Variants in TSC22D1 observed in about 807,000 individuals in gnomAD.
TSC22D1 encodes TSC22 domain family member 1.
TSC22D1 carries 9 observed loss-of-function variants against 74.2 expected under a neutral mutation model. The ratio of observed to expected loss-of-function variants is 0.12; its 90% CI spans 0.07 to 0.21. TSC22D1 has a LOEUF of 0.21. Ranked by LOEUF, TSC22D1 falls within the 10% of genes least tolerant of loss-of-function variation. The pLI is 1.00. For missense variants in TSC22D1, 1,427 were observed against 1,304.7 expected (o/e 1.09, Z -1.44); for synonymous variants, 586 against 492.5 (o/e 1.19, Z -2.51).
intron 1 of TSC22D1, among the ~76,000 whole-genome samples, chr13:44,451,693 T>C (rs1159167223): frequency 6.6e-6 from 1 of 152,192 alleles, no homozygotes; most frequent in Non-Finnish European, 1.5e-5. Context: ...TTTAAGCAAA[T>C]GGCTCTGGAG....
rs377521420 is a variant in TSC22D1 at position 44,576,005 on chromosome 13, G to A, written c.70C>T (p.His24Tyr). 7.7e-5 allele frequency: 123 copies of A among 1,591,188 alleles called. No homozygotes were observed. The highest frequency in any genetic ancestry group is 1.0e-4 in the Non-Finnish European group (117 of 1,168,990). ...CCCCTTCGAGGGAACATTGCCGGGTGCGCCATCTTCCTAGCGCTAATGTCT... is the reference window on the plus strand; with the variant it reads ...CCCCTTCGAGGGAACATTGCCGGGTACGCCATCTTCCTAGCGCTAATGTCT... ...AADISARKMA[H>Y]PAMFPRRGSG... Residue 24 changes from histidine to tyrosine, a missense_variant, in exon 1 of 3, where the codon CAC becomes TAC. Coordinates refer to ENST00000458659, the MANE Select transcript of TSC22D1 (RefSeq NM_183422.4).
chr13:44,436,776 T>C (rs1274359702), intron 1 of TSC22D1: 13 of 1,464,076 alleles, frequency 8.9e-6, no homozygotes, highest in Non-Finnish European at 1.1e-5. Flanking sequence ...TTCTAGGGCT[T>C]GATGATCCCA....
rs573723180 is a variant in TSC22D1, at chr13:44,576,139, T to C, written c.-65A>G. The stretch of plus-strand genomic sequence containing the variant: ...TTCCTTCTGCACCGTAATCTTTGTA[T>C]TGGAGACGCCGGAGAGGAAAACGGG... On this transcript the variant is annotated 5_prime_UTR_variant, in exon 1 of 3. Transcript: ENST00000458659. The C allele has an allele frequency of 6.3e-6, 9 of 1,421,156 alleles. No individual in the cohort carries two copies. Among genetic ancestry groups the C allele is most frequent in the African/African-American group, 2.9e-5 (2 of 69,266 alleles). The allele number at this position is 1,421,156 out of a possible 1,614,324, so 88.0% of individuals were successfully genotyped here.
rs1226733397 is a variant in TSC22D1 at position 44,574,753 on chromosome 13, C to T, written c.1322G>A (p.Gly441Asp). 6.2e-7 allele frequency: 1 copy of T among 1,613,990 alleles called. No homozygotes were observed. The highest frequency in any genetic ancestry group is 1.7e-5 in the Admixed American group (1 of 60,000). The stretch of plus-strand genomic sequence containing the variant: ...CTCCACCACTTTATTTATCAGCACA[C>T]CTTCTGTAGCAGGTACAGCATTTTC... Reference protein sequence around the residue: ...EKENAVPATEGVLINKVVETV... With the variant: ...EKENAVPATEDVLINKVVETV... Residue 441 changes from glycine to aspartate, a missense_variant, in exon 1 of 3, where the codon GGT becomes GAT. Physicochemically the swap from Gly to Asp is moderately conservative, Grantham distance 94. This residue lies in a region of TSC22D1 where 1,343 missense variants were observed against 1,191.5 expected (regional missense o/e 1.13). Coordinates refer to ENST00000458659, the MANE Select transcript of TSC22D1 (RefSeq NM_183422.4).
At chr13:44,537,551 A>T in intron 1 of TSC22D1, 1 of 985,136 alleles carries the variant, frequency 1.0e-6, no homozygotes, top group Non-Finnish European at 1.2e-6. Flanking sequence ...TTTCCAAGCA[A>T]ATATCATTTT....
intron 1 of TSC22D1, among the ~76,000 whole-genome samples, chr13:44,508,528 C>T (rs530038667): frequency 6.6e-6 from 1 of 152,270 alleles, no homozygotes; most frequent in South Asian, 2.1e-4. Context: ...TGTCCCAACA[C>T]ACCTCCCAGC....
intron 1 of TSC22D1, among the ~76,000 whole-genome samples, chr13:44,475,672 A>G (rs1476871395): frequency 6.6e-6 from 1 of 152,164 alleles, no homozygotes; most frequent in African/African-American, 2.4e-5. Flanking sequence ...ATATGTAACC[A>G]TAATTTAAGA....
At position 44,433,947 on chromosome 13, in the gene TSC22D1, T is replaced by C. The variant is rs762341014; in HGVS notation, c.*679A>G. The C allele has an allele frequency of 1.6e-4, 241 of 1,521,974 alleles. No individual in the cohort carries two copies. Among genetic ancestry groups the C allele is most frequent in the Non-Finnish European group, 2.0e-4 (227 of 1,140,170 alleles). 94.3% of individuals were successfully genotyped at this position (1,521,974 alleles called of 1,614,324 possible). On this transcript the variant is annotated 3_prime_UTR_variant, in exon 3 of 3. Transcript: ENST00000458659. ...CCTAAATAGTAGTTACAGTCCTCTA[T>C]TGTACAAAATAGTTACACTACATAC...
intron 1 of TSC22D1, among the ~76,000 whole-genome samples, chr13:44,438,815 T>C (rs1158455690): frequency 6.6e-6 from 1 of 152,188 alleles, no homozygotes; most frequent in Non-Finnish European, 1.5e-5. Context: ...TATTATTTAC[T>C]ACATGATAGT....
chr13:44,526,970 A>G (rs1398982313), intron 1 of TSC22D1, among the ~76,000 whole-genome samples: 6 of 152,202 alleles, frequency 3.9e-5, no homozygotes, highest in Non-Finnish European at 7.4e-5. Context: ...AACCTTACCT[A>G]TTGAGGAACA....
intron 1 of TSC22D1, among the ~76,000 whole-genome samples, chr13:44,455,997 C>G (rs1481273373): frequency 6.6e-6 from 1 of 152,188 alleles, no homozygotes; most frequent in Non-Finnish European, 1.5e-5. Flanking sequence ...TCAAAAAGTA[C>G]AAGGTGCAGA....
At chr13:44,480,939 G>T (rs547145102) in intron 1 of TSC22D1, among the ~76,000 whole-genome samples, 3 of 152,148 alleles carry the variant, frequency 2.0e-5, no homozygotes, top group African/African-American at 7.2e-5. Context: ...GGCTGAATTG[G>T]GTTCCACAGA....
chr13:44,571,070 C>G (rs1190523624), intron 1 of TSC22D1, among the ~76,000 whole-genome samples: 2 of 152,112 alleles, frequency 1.3e-5, no homozygotes, highest in Admixed American at 1.3e-4. Context: ...TTTTTAATCA[C>G]GAAACTTTGA....
chr13:44,525,994 C>T (rs984473567), intron 1 of TSC22D1, among the ~76,000 whole-genome samples: 1 of 152,034 alleles, frequency 6.6e-6, no homozygotes, highest in African/African-American at 2.4e-5. Context: ...CCCAGCTCCT[C>T]ACGAGGCTGA....
chr13:44,518,327 CAA>C (rs1880151416), intron 1 of TSC22D1, among the ~76,000 whole-genome samples: 1 of 151,862 alleles, frequency 6.6e-6, no homozygotes, highest in Admixed American at 6.6e-5. Flanking sequence ...TGTCATCCCT[CAA>C]AAAAGGGAAA....
intron 1 of TSC22D1, chr13:44,538,083 A>T (rs1881256239): frequency 1.0e-6 from 1 of 985,186 alleles, no homozygotes; most frequent in African/African-American, 1.7e-5. Context: ...ATTTTGCAAC[A>T]CTTATTCCTT....
Position 44,576,079 on chromosome 13 carries a change from T to C in TSC22D1, c.-5A>G, listed in dbSNP as rs778561500. 1.4e-5 allele frequency: 22 copies of C among 1,540,340 alleles called. No homozygotes were observed. The South Asian group carries it at 2.5e-4, about 18-fold the overall frequency. On this transcript the variant is annotated 5_prime_UTR_variant, in exon 1 of 3. Transcript: ENST00000458659. ...GGACTCAGGCGGCTGGTGCATTGTGTTGGGTACCGGGGGCGCGGAGGAGAC... is the reference window on the plus strand; with the variant it reads ...GGACTCAGGCGGCTGGTGCATTGTGCTGGGTACCGGGGGCGCGGAGGAGAC...
chr13:44,540,534 G>C (rs1427714751), intron 1 of TSC22D1, among the ~76,000 whole-genome samples: 1 of 152,102 alleles, frequency 6.6e-6, no homozygotes, highest in Admixed American at 6.6e-5. Flanking sequence ...TATTCTTCAA[G>C]CACTCAGCTT....
intron 1 of TSC22D1, among the ~76,000 whole-genome samples, chr13:44,464,906 T>C (rs1877184815): frequency 6.6e-6 from 1 of 152,174 alleles, no homozygotes; most frequent in Non-Finnish European, 1.5e-5. Flanking sequence ...TCTGCTCTAA[T>C]TAAAATGTTG....
Sources: allele counts gnomAD v4.1 joint callset (sites outside exome capture counted in the v4.1 genomes callset), GRCh38; gene constraint gnomAD v4.1.1; regional missense constraint gnomAD v4.1.1; transcripts MANE v1.5; gene names NCBI Gene and HGNC (gene_info 2026-07-23, HGNC 2026-07-21).